The following ABCB5 variants were observed in gnomAD, a reference collection of about 807,000 sequenced individuals.
The protein encoded by ABCB5 is ATP binding cassette subfamily B member 5, also known as ATP-binding cassette sub-family B member 5.
Under a neutral mutation model 144.2 loss-of-function variants are expected in ABCB5, and 155 were observed. That is an observed-to-expected ratio of 1.08 (90% CI 0.94 to 1.23). The LOEUF is 1.23. ABCB5 is among the 50% of genes most tolerant of loss of function. The probability of loss-of-function intolerance (pLI) is 0.00; values close to 1 mark genes in which losing one functional copy is unlikely to be tolerated. For synonymous variants in ABCB5, 610 were observed against 528.6 expected (o/e 1.15, Z -2.11); for missense variants, 1,830 against 1,520.8 (o/e 1.20, Z -3.38).
chr7:20,664,124 C>G (rs373145334), intron 14 of ABCB5, among the ~76,000 whole-genome samples: 14 of 151,566 alleles, frequency 9.2e-5, no homozygotes, highest in Admixed American at 3.3e-4. Context: ...AGAATAGTGA[C>G]AAAGAGGAAT....
chr7:20,740,899 G>T (rs889613415), intron 24 of ABCB5, among the ~76,000 whole-genome samples: 1 of 152,018 alleles, frequency 6.6e-6, no homozygotes, highest in African/African-American at 2.4e-5. Context: ...CTAAGGTCAG[G>T]AGTTCAAGTT....
At chr7:20,668,593 G>T (rs904879988) in intron 14 of ABCB5, among the ~76,000 whole-genome samples, 5 of 143,168 alleles carry the variant, frequency 3.5e-5, no homozygotes, top group African/African-American at 1.5e-4. Context: ...AGGGAGGTGG[G>T]GGGGGGGGTC....
intron 14 of ABCB5, among the ~76,000 whole-genome samples, chr7:20,661,559 C>T (rs1213083581): frequency 3.4e-5 from 4 of 116,320 alleles, no homozygotes; most frequent in African/African-American, 7.4e-5. Context: ...TTTTTGAGAC[C>T]GAGTCTCACT....
intron 23 of ABCB5, among the ~76,000 whole-genome samples, chr7:20,733,848 C>T (rs544620909): frequency 2.0e-5 from 3 of 152,140 alleles, no homozygotes; most frequent in South Asian, 2.1e-4. Context: ...CCATGTTGGC[C>T]AGGCCGGTCT....
intron 7 of ABCB5, among the ~76,000 whole-genome samples, chr7:20,644,289 G>A (rs1784357454): frequency 6.6e-6 from 1 of 152,144 alleles, no homozygotes; most frequent in South Asian, 2.1e-4. Context: ...ATGTTGCCCA[G>A]GCTGATCTCG....
At chr7:20,638,623 G>C (rs575481962) in intron 5 of ABCB5, among the ~76,000 whole-genome samples, 3 of 152,300 alleles carry the variant, frequency 2.0e-5, no homozygotes, top group South Asian at 4.1e-4. Context: ...TAAGGTTCTT[G>C]TACCTGGCTT....
intron 4 of ABCB5, among the ~76,000 whole-genome samples, chr7:20,630,207 C>A (rs538172982): frequency 6.6e-6 from 1 of 152,076 alleles, no homozygotes; most frequent in Non-Finnish European, 1.5e-5. Context: ...AAATTCCACA[C>A]TGGAAGTATT....
chr7:20,720,022 C>G (rs1228263336), intron 20 of ABCB5, among the ~76,000 whole-genome samples: 1 of 152,024 alleles, frequency 6.6e-6, no homozygotes, highest in Non-Finnish European at 1.5e-5. Flanking sequence ...ACAACCAGCA[C>G]CATATCTTGA....
chr7:20,667,153 GATTT>G (rs1306906220), intron 14 of ABCB5: 3 of 853,526 alleles, frequency 3.5e-6, no homozygotes, highest in Non-Finnish European at 4.2e-6. Context: ...ATATTTCTGT[GATTT>G]ATTTGATGCA....
chr7:20,722,640 C>G (rs746538734), intron 20 of ABCB5, among the ~76,000 whole-genome samples: 2 of 151,862 alleles, frequency 1.3e-5, no homozygotes, highest in Non-Finnish European at 2.9e-5. Context: ...GCCAACATGG[C>G]GAAACCCCAT....
At chr7:20,620,120 GT>G (rs1430300142) in intron 1 of ABCB5, among the ~76,000 whole-genome samples, 1 of 152,028 alleles carries the variant, frequency 6.6e-6, no homozygotes, top group Non-Finnish European at 1.5e-5. Context: ...GTTTAGCTTT[GT>G]TCTTTTTCTT....
At chr7:20,723,523 G>A (rs1214799890) in intron 21 of ABCB5, among the ~76,000 whole-genome samples, 2 of 152,178 alleles carry the variant, frequency 1.3e-5, no homozygotes, top group Non-Finnish European at 1.5e-5. Context: ...GTCAACCTTT[G>A]TAGACTTCAG....
At chr7:20,704,392 T>C (rs1189119997) in intron 19 of ABCB5, among the ~76,000 whole-genome samples, 1 of 152,166 alleles carries the variant, frequency 6.6e-6, no homozygotes, top group Non-Finnish European at 1.5e-5. Context: ...TACTTTTGAA[T>C]TATGTCTGCT....
rs1485271044 is a variant in ABCB5, at chr7:20,623,211, A to G, written c.-21-54A>G. Reference sequence around the variant, plus strand: ...GGGATGTAAAGAATGCTGTATATCAACTAAGTGATAAAAGTCACATAGCCA... The same window carrying G: ...GGGATGTAAAGAATGCTGTATATCAGCTAAGTGATAAAAGTCACATAGCCA... On this transcript the variant is annotated intron_variant, in intron 1 of 27. Transcript: ENST00000404938. The G allele has an allele frequency of 5.8e-6, 6 of 1,038,032 alleles. No homozygotes were observed. In the Admixed American group the frequency reaches 1.2e-4, roughly 21 times the overall value. The allele number at this position is 1,038,032 out of a possible 1,614,324, so 64.3% of individuals were successfully genotyped here.
chr7:20,719,505 C>G (rs1004420807), intron 20 of ABCB5, among the ~76,000 whole-genome samples: 6 of 152,170 alleles, frequency 3.9e-5, no homozygotes, highest in African/African-American at 1.4e-4. Flanking sequence ...AAAGTATACA[C>G]TTTAATGAAT....
chr7:20,627,930 T>C (rs1451229800), intron 3 of ABCB5, among the ~76,000 whole-genome samples: 1 of 152,196 alleles, frequency 6.6e-6, no homozygotes, highest in Non-Finnish European at 1.5e-5. Flanking sequence ...CCAAATGGAA[T>C]AAAGTTTCTG....
intron 23 of ABCB5, among the ~76,000 whole-genome samples, chr7:20,728,754 A>C (rs1357094077): frequency 6.6e-6 from 1 of 152,204 alleles, no homozygotes; most frequent in Non-Finnish European, 1.5e-5. Context: ...ACTCTGTCTC[A>C]AAATAAATAA....
At chr7:20,616,735 C>A (rs181213672) in intron 1 of ABCB5, among the ~76,000 whole-genome samples, 1 of 152,294 alleles carries the variant, frequency 6.6e-6, no homozygotes, top group Non-Finnish European at 1.5e-5. Context: ...ATATCTCAAA[C>A]TTGACAAGTT....
chr7:20,626,477 C>T, intron 2 of ABCB5, 80 bp from the exon 3 acceptor site: 1 of 1,287,716 alleles, frequency 7.8e-7, no homozygotes, highest in Non-Finnish European at 1.1e-6. Flanking sequence ...ATATCTGACA[C>T]TTCTGCAAAC....
Sources: allele counts gnomAD v4.1 joint callset (sites outside exome capture counted in the v4.1 genomes callset), GRCh38; gene constraint gnomAD v4.1.1; transcripts MANE v1.5; gene names NCBI Gene and HGNC (gene_info 2026-07-23, HGNC 2026-07-21).